The following RGS20 variants were observed in gnomAD, a reference collection of about 807,000 sequenced individuals.
The protein encoded by RGS20 is regulator of G protein signaling 20, also known as gz-selective GTPase-activating protein.
In RGS20, 30 loss-of-function variants were observed where a neutral mutation model predicts 33.6. That is an observed-to-expected ratio of 0.89 (90% CI 0.67 to 1.21). The LOEUF is 1.21. Among genes scored for constraint, RGS20 ranks in the 50% most tolerant of loss-of-function variants. RGS20 has a pLI of 0.00. For missense variants in RGS20, 472 were observed against 502.4 expected, an observed-to-expected ratio of 0.94 and a Z score of 0.58; for synonymous variants, 208 against 197.9, an observed-to-expected ratio of 1.05 and a Z score of -0.43.
chr8:53,935,283 C>CA (rs955197511), intron 2 of RGS20, among the ~76,000 whole-genome samples: 10 of 151,270 alleles, frequency 6.6e-5, no homozygotes, highest in African/African-American at 2.4e-4. Flanking sequence ...AGGAGGACAC[C>CA]AAAAAATCCT....
At chr8:53,904,321 G>A (rs1218182666) in intron 2 of RGS20, among the ~76,000 whole-genome samples, 1 of 151,930 alleles carries the variant, frequency 6.6e-6, no homozygotes, top group Non-Finnish European at 1.5e-5. Context: ...TAGTAGAGAT[G>A]GGATTTCGCC....
chr8:53,924,563 A>G (rs978372916), intron 2 of RGS20, among the ~76,000 whole-genome samples: 2 of 152,000 alleles, frequency 1.3e-5, no homozygotes, highest in African/African-American at 4.8e-5. Flanking sequence ...GCCTCAAGCA[A>G]TCCTCCTACC....
At chr8:53,926,399 A>C (rs968304815) in intron 2 of RGS20, among the ~76,000 whole-genome samples, 2 of 152,196 alleles carry the variant, frequency 1.3e-5, no homozygotes, top group African/African-American at 4.8e-5. Flanking sequence ...GTTCTCCTTC[A>C]TCAGAAGCTT....
At chr8:53,917,600 G>C (rs923979764) in intron 2 of RGS20, among the ~76,000 whole-genome samples, 1 of 152,088 alleles carries the variant, frequency 6.6e-6, no homozygotes, top group African/African-American at 2.4e-5. Flanking sequence ...ACACCATAAA[G>C]TTTACTCATT....
chr8:53,860,382 T>G (rs973523730), intron 1 of RGS20, among the ~76,000 whole-genome samples: 6 of 152,242 alleles, frequency 3.9e-5, no homozygotes, highest in Non-Finnish European at 8.8e-5. Context: ...ATTCAAGTGA[T>G]AGATCATTCT....
chr8:53,958,542 C>T lies in RGS20; in HGVS notation c.*84C>T. The T allele has an allele frequency of 1.5e-6, 1 of 681,072 alleles. No homozygotes were observed. Among genetic ancestry groups the T allele is most frequent in the Non-Finnish European group, 2.1e-6 (1 of 470,214 alleles). 42.2% of individuals were successfully genotyped at this position (681,072 alleles called of 1,614,324 possible). On this transcript the variant is annotated 3_prime_UTR_variant, in exon 6 of 6. Transcript: ENST00000297313. ...AGCACAGGGAATTTAGAGGTTGTAG[C>T]ATCTTCTGCTGGAGTAATACTCAGG... is the stretch of plus-strand genomic sequence containing the variant.
chr8:53,871,130 A>AG (rs1812056728), intron 1 of RGS20, among the ~76,000 whole-genome samples: 1 of 150,450 alleles, frequency 6.6e-6, no homozygotes, highest in East Asian at 2.0e-4. Context: ...AAAAAAAAAA[A>AG]AAAAAAAAAA....
At chr8:53,888,716 C>T (rs1008308707) in intron 2 of RGS20, among the ~76,000 whole-genome samples, 3 of 152,220 alleles carry the variant, frequency 2.0e-5, no homozygotes, top group Non-Finnish European at 4.4e-5. Context: ...GATTCCGTCT[C>T]GCTTCCTTCC....
intron 4 of RGS20, 28 bp downstream of exon 3, chr8:53,946,776 C>G: frequency 6.4e-7 from 1 of 1,569,322 alleles, no homozygotes; most frequent in Non-Finnish European, 8.8e-7. Flanking sequence ...TTTTACCTCA[C>G]TAAACTAACA....
At chr8:53,891,986 C>T (rs913382353) in intron 2 of RGS20, among the ~76,000 whole-genome samples, 1 of 151,838 alleles carries the variant, frequency 6.6e-6, no homozygotes, top group Admixed American at 6.6e-5. Context: ...GTGTGCTGCA[C>T]CCATTAACTC....
chr8:53,913,220 G>T (rs1813397239), intron 2 of RGS20, among the ~76,000 whole-genome samples: 1 of 151,916 alleles, frequency 6.6e-6, no homozygotes, highest in South Asian at 2.1e-4. Context: ...CCCGCCTCAG[G>T]CTCCAAAGTG....
chr8:53,882,246 G>C (rs1812407567), intron 2 of RGS20, among the ~76,000 whole-genome samples: 1 of 152,174 alleles, frequency 6.6e-6, no homozygotes, highest in Admixed American at 6.5e-5. Flanking sequence ...TAGGCGCCGC[G>C]ACCTACCCCA....
chr8:53,882,140 G>C (rs929931332), intron 2 of RGS20, among the ~76,000 whole-genome samples: 5 of 152,148 alleles, frequency 3.3e-5, no homozygotes, highest in Admixed American at 6.5e-5. Flanking sequence ...CTAGCTGAGA[G>C]TGGGGTGGGC....
chr8:53,912,828 A>G (rs2129284091), intron 2 of RGS20, among the ~76,000 whole-genome samples: 1 of 152,310 alleles, frequency 6.6e-6, no homozygotes, highest in South Asian at 2.1e-4. Flanking sequence ...AAAGTAGGAT[A>G]AAAACTTGAT....
chr8:53,949,155 A>G (rs1814630511), intron 4 of RGS20, among the ~76,000 whole-genome samples: 1 of 74,262 alleles, frequency 1.3e-5, no homozygotes, highest in African/African-American at 4.8e-5. Flanking sequence ...GATACAGTAT[A>G]TATTTATATA....
intron 2 of RGS20, chr8:53,879,800 CG>C (rs1050689907): frequency 4.0e-5 from 19 of 475,836 alleles, no homozygotes; most frequent in African/African-American, 3.9e-4. Flanking sequence ...CCCCTCCCCG[CG>C]GGAAGACACT....
chr8:53,908,843 A>G (rs955923124), intron 2 of RGS20, among the ~76,000 whole-genome samples: 1 of 152,034 alleles, frequency 6.6e-6, no homozygotes, highest in African/African-American at 2.4e-5. Flanking sequence ...ATATCAACAC[A>G]GAAAGTTATA....
intron 2 of RGS20, among the ~76,000 whole-genome samples, chr8:53,934,403 A>G (rs532817837): frequency 4.6e-5 from 7 of 152,332 alleles, no homozygotes; most frequent in Non-Finnish European, 5.9e-5. Flanking sequence ...AAATAAAGGC[A>G]TGGAGGAATA....
At chr8:53,904,126 C>CT (rs35492125) in intron 2 of RGS20, among the ~76,000 whole-genome samples, 291 of 136,752 alleles carry the variant, frequency 2.1e-3, no homozygotes, top group East Asian at 4.2e-3. Context: ...AATAACTTTG[C>CT]TTTTTTTTTT....
Sources: allele counts gnomAD v4.1 joint callset (sites outside exome capture counted in the v4.1 genomes callset), GRCh38; gene constraint gnomAD v4.1.1; transcripts MANE v1.5; gene names NCBI Gene and HGNC (gene_info 2026-07-23, HGNC 2026-07-21).